STPG2: variants seen among roughly 807,000 people sequenced by gnomAD.
The protein encoded by STPG2 is sperm tail PG-rich repeat containing 2.
STPG2 carries 56 observed loss-of-function variants against 54.2 expected under a neutral mutation model. That is an observed-to-expected ratio of 1.03 (90% CI 0.83 to 1.29). STPG2 has a LOEUF of 1.29. Ranked by LOEUF, STPG2 falls within the 50% of genes most tolerant of loss-of-function variation. The probability of loss-of-function intolerance (pLI) is 0.00; values close to 1 mark genes in which losing one functional copy is unlikely to be tolerated. For missense variants in STPG2, 596 were observed against 544.9 expected (o/e 1.09, Z -0.93); for synonymous variants, 200 against 181.8 (o/e 1.10, Z -0.81).
At chr4:97,505,423 G>T (rs1578349284) in intron 4 of STPG2, among the ~76,000 whole-genome samples, 1 of 151,788 alleles carries the variant, frequency 6.6e-6, no homozygotes, top group Non-Finnish European at 1.5e-5. Context: ...AGATTTCTGG[G>T]GATATTGATT....
At chr4:98,097,704 T>C (rs1738900842) in intron 5 of STPG2, among the ~76,000 whole-genome samples, 1 of 152,266 alleles carries the variant, frequency 6.6e-6, no homozygotes, top group East Asian at 1.9e-4. Context: ...TTTGCCGATA[T>C]GATCTTATAT....
At chr4:97,973,435 C>T (rs1272789776) in intron 6 of STPG2, among the ~76,000 whole-genome samples, 1 of 152,094 alleles carries the variant, frequency 6.6e-6, no homozygotes, top group Non-Finnish European at 1.5e-5. Context: ...GAAAGCAGAG[C>T]ATAAAAGTTC....
At chr4:98,100,670 T>TC (rs1739001143) in intron 5 of STPG2, among the ~76,000 whole-genome samples, 1 of 131,014 alleles carries the variant, frequency 7.6e-6, no homozygotes, top group East Asian at 2.1e-4. Context: ...TTCTTTTTTT[T>TC]TTTTTTTTTT....
intron 10 of STPG2, among the ~76,000 whole-genome samples, chr4:97,639,260 C>T (rs1324300639): frequency 7.9e-5 from 12 of 151,708 alleles, no homozygotes; most frequent in Admixed American, 5.9e-4. Context: ...ACCCGAACAC[C>T]GCATATTCTC....
At chr4:98,053,017 T>G (rs1257360437) in intron 5 of STPG2, among the ~76,000 whole-genome samples, 1 of 152,152 alleles carries the variant, frequency 6.6e-6, no homozygotes, top group Non-Finnish European at 1.5e-5. Context: ...CTCTCAAGTT[T>G]TGAGGAATAT....
intron 5 of STPG2, among the ~76,000 whole-genome samples, chr4:97,998,657 A>G (rs1005778717): frequency 2.6e-5 from 4 of 152,174 alleles, no homozygotes; most frequent in African/African-American, 9.6e-5. Context: ...TATGGGTCCT[A>G]TGAGTTTTGG....
At chr4:98,054,808 A>G (rs1489349791) in intron 5 of STPG2, among the ~76,000 whole-genome samples, 1 of 152,190 alleles carries the variant, frequency 6.6e-6, no homozygotes, top group East Asian at 1.9e-4. Flanking sequence ...TCAGCCATAA[A>G]ATGACTGAAA....
chr4:97,681,049 T>C lies in STPG2; in HGVS notation c.1320+31650A>G, dbSNP rs538581037. Among the ~76,000 whole-genome samples, 234 of 152,124 alleles carry C rather than the reference T, an allele frequency of 1.5e-3. 1 individual carries two copies. The highest frequency in any genetic ancestry group is 5.4e-3 in the African/African-American group (224 of 41,560). ...TTCCGGCACATATTTGTATTACTTA[T>C]TTTTAAGCTGTTGGCATCTGCATTT... On this transcript the variant is annotated intron_variant, in intron 10 of 10. Coordinates refer to ENST00000295268, the MANE Select transcript of STPG2 (RefSeq NM_174952.3).
intron 9 of STPG2, among the ~76,000 whole-genome samples, chr4:97,817,051 T>A (rs1727940423): frequency 6.7e-6 from 1 of 149,014 alleles, no homozygotes; most frequent in African/African-American, 2.4e-5. Context: ...AAATACAGGG[T>A]GTACTTAACA....
rs6835380 is a variant in STPG2, at chr4:97,665,087, G to A, written c.1320+47612C>T. 2.3e-4 allele frequency among the ~76,000 whole-genome samples: 35 copies of A among 152,234 alleles called. 1 individual carries two copies. The highest frequency in any genetic ancestry group is 7.2e-4 in the Admixed American group (11 of 15,304). ...AGAATGCAGTGGTGCCCAGAAGCTC[G>A]GAGATGCCAGGAACTGCAGAGCCCC... is the stretch of plus-strand genomic sequence containing the variant. On this transcript the variant is annotated intron_variant, in intron 10 of 10. Transcript: ENST00000295268.
At chr4:97,980,034 A>T (rs529770351) in intron 6 of STPG2, among the ~76,000 whole-genome samples, 1 of 152,158 alleles carries the variant, frequency 6.6e-6, no homozygotes, top group South Asian at 2.1e-4. Context: ...AAATTTTTTT[A>T]AAATAGCCAG....
At chr4:97,629,202 C>T (rs931047217) in intron 10 of STPG2, among the ~76,000 whole-genome samples, 7 of 151,874 alleles carry the variant, frequency 4.6e-5, no homozygotes, top group African/African-American at 1.7e-4. Flanking sequence ...CCATCAATAT[C>T]ATATGTTGTT....
intron 3 of STPG2, 45 bp downstream of exon 3, chr4:98,128,383 C>A: frequency 1.3e-6 from 2 of 1,483,224 alleles, no homozygotes; most frequent in Admixed American, 2.4e-5. Flanking sequence ...ATATGTAAAT[C>A]ATAAACAATT....
At chr4:97,467,898 T>G (rs1729827718) in intron 4 of STPG2, among the ~76,000 whole-genome samples, 1 of 151,522 alleles carries the variant, frequency 6.6e-6, no homozygotes, top group South Asian at 2.1e-4. Flanking sequence ...TAAGAATGGA[T>G]TTGTTCCTAG....
At chr4:98,010,549 C>T (rs1334328154) in intron 5 of STPG2, among the ~76,000 whole-genome samples, 1 of 152,006 alleles carries the variant, frequency 6.6e-6, no homozygotes, top group Non-Finnish European at 1.5e-5. Context: ...GCAGCATATA[C>T]TTGGATCTTG....
At chr4:97,547,870 G>A (rs544517946) in intron 4 of STPG2, among the ~76,000 whole-genome samples, 1 of 152,268 alleles carries the variant, frequency 6.6e-6, no homozygotes, top group East Asian at 1.9e-4. Flanking sequence ...AGAAACATGA[G>A]CCGGGCATGG....
chr4:98,022,566 C>G (rs1482851507), intron 5 of STPG2, among the ~76,000 whole-genome samples: 6 of 151,878 alleles, frequency 4.0e-5, no homozygotes, highest in Admixed American at 3.3e-4. Flanking sequence ...TGTTGGCCTG[C>G]CTTGCTAGAT....
chr4:97,915,492 T>C (rs912632348), intron 8 of STPG2, among the ~76,000 whole-genome samples: 4 of 152,104 alleles, frequency 2.6e-5, no homozygotes, highest in African/African-American at 9.7e-5. Flanking sequence ...ATACATGTTG[T>C]TCCCTATGAT....
chr4:97,474,160 G>A (rs1027078135), intron 4 of STPG2, among the ~76,000 whole-genome samples: 2 of 152,166 alleles, frequency 1.3e-5, no homozygotes, highest in Non-Finnish European at 2.9e-5. Flanking sequence ...GATGTTGATT[G>A]AAGGGTTGTC....
Sources: allele counts gnomAD v4.1 joint callset (sites outside exome capture counted in the v4.1 genomes callset), GRCh38; gene constraint gnomAD v4.1.1; transcripts MANE v1.5; gene names NCBI Gene and HGNC (gene_info 2026-07-23, HGNC 2026-07-21).